The following KLRG1 variants were observed in gnomAD, a reference collection of about 807,000 sequenced individuals.
KLRG1 encodes killer cell lectin like receptor G1, also known as killer cell lectin-like receptor subfamily G member 1.
KLRG1 carries 16 observed loss-of-function variants against 21.8 expected under a neutral mutation model. The observed-to-expected ratio is 0.73, with a 90% CI of 0.50 to 1.11. The LOEUF (loss-of-function observed/expected upper bound fraction) is 1.11, where lower values mean the gene tolerates loss of function less well. KLRG1 is among the 50% of genes most tolerant of loss of function. The pLI is 0.00. For missense variants in KLRG1, 173 were observed against 218.3 expected, an observed-to-expected ratio of 0.79 and a Z score of 1.31; for synonymous variants, 69 against 75.9, an observed-to-expected ratio of 0.91 and a Z score of 0.47.
At chr12:9,181,212 C>T in the KLRG1 span, 19 of 1,568,368 alleles carry the variant, frequency 1.2e-5, no homozygotes, top group African/African-American at 1.6e-4. Context: ...CCTAAGCCAC[C>T]CTTATATTCA....
chr12:9,154,316 A>G, the KLRG1 span, among the ~76,000 whole-genome samples: 4 of 152,198 alleles, frequency 2.6e-5, no homozygotes, highest in Admixed American at 6.5e-5. Flanking sequence ...CGAAATGTCA[A>G]TAGTGTTGAT....
the KLRG1 span, among the ~76,000 whole-genome samples, chr12:9,124,232 A>AT: frequency 0.023 from 3,464 of 152,310 alleles, 148 homozygotes; most frequent in African/African-American, 0.079. Context: ...CAAAGATGGG[A>AT]TACCATTGAT....
chr12:9,196,550 A>G, the KLRG1 span: 8 of 1,580,514 alleles, frequency 5.1e-6, no homozygotes, highest in East Asian at 2.2e-5. Context: ...TTTATTTCCC[A>G]TATTCGTTCA....
chr12:9,158,752 C>CTTTTTTTT, the KLRG1 span, among the ~76,000 whole-genome samples: 5 of 97,814 alleles, frequency 5.1e-5, no homozygotes, highest in African/African-American at 1.2e-4. Flanking sequence ...TTTTTCTTTT[C>CTTTTTTTT]TTTTCTTTTT....
intron 1 of KLRG1, among the ~76,000 whole-genome samples, chr12:8,964,047 C>T (rs1946423858): frequency 6.6e-6 from 1 of 152,118 alleles, no homozygotes; most frequent in African/African-American, 2.4e-5. Context: ...CAGTTCTGCT[C>T]TGATCTTAGT....
the KLRG1 span, among the ~76,000 whole-genome samples, chr12:9,083,713 G>A: frequency 6.8e-6 from 1 of 147,664 alleles, no homozygotes. Flanking sequence ...AGACTATAAA[G>A]CACATTTAAA....
chr12:8,995,850 T>G (rs1947114750), intron 3 of KLRG1, among the ~76,000 whole-genome samples: 1 of 151,918 alleles, frequency 6.6e-6, no homozygotes, highest in African/African-American at 2.4e-5. Context: ...GCCTGGCTAA[T>G]TTTTTGTATT....
chr12:8,981,743 G>T (rs1401164206), intron 1 of KLRG1, among the ~76,000 whole-genome samples: 1 of 151,832 alleles, frequency 6.6e-6, no homozygotes, highest in Non-Finnish European at 1.5e-5. Context: ...AATTTAATTT[G>T]GTCAAGGTGG....
chr12:9,087,753 A>T, the KLRG1 span, among the ~76,000 whole-genome samples: 1 of 152,150 alleles, frequency 6.6e-6, no homozygotes, highest in Non-Finnish European at 1.5e-5. Flanking sequence ...CTGTATATAT[A>T]TACAATTATA....
chr12:9,109,489 C>T, the KLRG1 span: 1 of 1,026,294 alleles, frequency 9.7e-7, no homozygotes, highest in Non-Finnish European at 1.5e-6. Context: ...TAACAGTTCC[C>T]TAATAATATT....
the KLRG1 span, among the ~76,000 whole-genome samples, chr12:9,193,250 G>A: frequency 6.6e-6 from 1 of 152,148 alleles, no homozygotes; most frequent in Admixed American, 6.6e-5. Context: ...TGCAGATAAT[G>A]TTTTGCGCAC....
the KLRG1 span, chr12:9,153,155 T>C: frequency 3.1e-6 from 5 of 1,614,176 alleles, no homozygotes; most frequent in Admixed American, 1.7e-5. Flanking sequence ...CCCCAGTTAC[T>C]GTTATGACAT....
the KLRG1 span, among the ~76,000 whole-genome samples, chr12:9,130,039 G>A: frequency 3.3e-5 from 5 of 152,032 alleles, no homozygotes; most frequent in Non-Finnish European, 7.4e-5. Context: ...GAATTGGCTT[G>A]GATACTTCAT....
the KLRG1 span, among the ~76,000 whole-genome samples, chr12:9,141,881 T>C: frequency 2.6e-5 from 4 of 152,220 alleles, no homozygotes; most frequent in African/African-American, 9.6e-5. Context: ...TTTAACTCCA[T>C]GTGTCCTAGG....
chr12:9,185,820 T>C, the KLRG1 span, among the ~76,000 whole-genome samples: 1 of 150,840 alleles, frequency 6.6e-6, no homozygotes, highest in Non-Finnish European at 1.5e-5. Flanking sequence ...TTTTCTTTTT[T>C]TTTTTCTTGA....
At chr12:9,110,123 C>A in the KLRG1 span, 2 of 1,403,668 alleles carry the variant, frequency 1.4e-6, no homozygotes, top group South Asian at 2.7e-5. Context: ...AAGTTATCTA[C>A]AAAAAGGTCA....
At chr12:9,113,102 T>A in the KLRG1 span, among the ~76,000 whole-genome samples, 1 of 51,560 alleles carries the variant, frequency 1.9e-5, no homozygotes, top group Non-Finnish European at 4.6e-5. Flanking sequence ...GAAGTCACAT[T>A]TTCTTTTTTT....
At chr12:8,994,384 C>G (rs1947067740) in intron 2 of KLRG1, among the ~76,000 whole-genome samples, 1 of 152,138 alleles carries the variant, frequency 6.6e-6, no homozygotes, top group African/African-American at 2.4e-5. Flanking sequence ...TTCATCTTGA[C>G]AGAACTATGA....
At chr12:9,169,370 A>C in the KLRG1 span, 2 of 1,409,714 alleles carry the variant, frequency 1.4e-6, no homozygotes, top group Admixed American at 4.4e-5. Context: ...ATAGATACAG[A>C]GTTTTATTAA....
Sources: allele counts gnomAD v4.1 joint callset (sites outside exome capture counted in the v4.1 genomes callset), GRCh38; gene constraint gnomAD v4.1.1; transcripts MANE v1.5; gene names NCBI Gene and HGNC (gene_info 2026-07-23, HGNC 2026-07-21).